The following NRXN1 variants were observed in gnomAD, a reference collection of about 807,000 sequenced individuals.
NRXN1 encodes neurexin 1, also known as neurexin-1.
A neutral mutation model predicts 150.9 loss-of-function variants in NRXN1; 39 were observed. That is an observed-to-expected ratio of 0.26 (90% CI 0.20 to 0.34). NRXN1 has a LOEUF of 0.34. Among genes scored for constraint, NRXN1 ranks in the 10% least tolerant of loss-of-function variants. NRXN1 has a pLI of 1.00. For synonymous variants in NRXN1, 924 were observed against 757.0 expected (o/e 1.22, Z -3.62); for missense variants, 1,815 against 1,949.9 (o/e 0.93, Z 1.30).
intron 17 of NRXN1, among the ~76,000 whole-genome samples, chr2:50,358,285 C>A (rs182880007): frequency 9.7e-4 from 148 of 152,318 alleles, no homozygotes; most frequent in Non-Finnish European, 1.4e-3. Flanking sequence ...TGGTCTTGCT[C>A]AGCGAATCCC....
intron 5 of NRXN1, among the ~76,000 whole-genome samples, chr2:50,833,356 G>C (rs1398563412): frequency 2.0e-5 from 3 of 152,112 alleles, no homozygotes; most frequent in Non-Finnish European, 2.9e-5. Flanking sequence ...ATGAAAGCAT[G>C]TATCCAGAGA....
chr2:50,232,360 C>T (rs927219187), intron 18 of NRXN1, among the ~76,000 whole-genome samples: 2 of 148,794 alleles, frequency 1.3e-5, no homozygotes, highest in South Asian at 4.3e-4. Context: ...AGTCACATTA[C>T]TGTATTATTT....
chr2:50,662,391 A>G (rs146329667), intron 5 of NRXN1, among the ~76,000 whole-genome samples: 1 of 152,108 alleles, frequency 6.6e-6, no homozygotes, highest in Non-Finnish European at 1.5e-5. Context: ...TGAATGGTTA[A>G]CATTTCAAGA....
intron 17 of NRXN1, among the ~76,000 whole-genome samples, chr2:50,410,457 T>C (rs1377927619): frequency 2.0e-5 from 3 of 152,230 alleles, no homozygotes; most frequent in Non-Finnish European, 2.9e-5. Flanking sequence ...GTGCAATGCA[T>C]GTTCTCATAT....
At chr2:50,206,653 G>A (rs1204071996) in intron 18 of NRXN1, among the ~76,000 whole-genome samples, 1 of 151,924 alleles carries the variant, frequency 6.6e-6, no homozygotes, top group African/African-American at 2.4e-5. Context: ...CCCTCAGGTT[G>A]ACAATCTGAA....
chr2:50,089,289 T>C (rs1470431543), intron 19 of NRXN1, among the ~76,000 whole-genome samples: 3 of 152,206 alleles, frequency 2.0e-5, no homozygotes, highest in African/African-American at 7.2e-5. Context: ...TAACAGGATT[T>C]ATCATTTTGC....
intron 5 of NRXN1, chr2:50,739,374 T>G (rs930261714): frequency 2.8e-6 from 1 of 357,694 alleles, no homozygotes. Flanking sequence ...CTATTTCTTT[T>G]AAATACTTCT....
chr2:49,934,007 A>C (rs1482647506), intron 22 of NRXN1, among the ~76,000 whole-genome samples: 1 of 152,174 alleles, frequency 6.6e-6, no homozygotes, highest in East Asian at 1.9e-4. Flanking sequence ...GTGGTGCTGC[A>C]TGTGGAGCTT....
chr2:50,639,963 C>A (rs995548487), intron 5 of NRXN1, among the ~76,000 whole-genome samples: 1 of 152,114 alleles, frequency 6.6e-6, no homozygotes, highest in African/African-American at 2.4e-5. Flanking sequence ...GACTCTATAT[C>A]ATTTTGTAAT....
In NRXN1 at chr2:50,091,255, A is replaced by C. The variant is rs2152696985; in HGVS notation, c.3718+68T>G. 2.5e-6 allele frequency: 4 copies of C among 1,572,760 alleles called. No homozygotes were observed. In the East Asian group the frequency reaches 6.7e-5, roughly 26 times the overall value. On this transcript the variant is annotated intron_variant, in intron 19 of 22. Coordinates refer to ENST00000401669, the MANE Select transcript of NRXN1 (RefSeq NM_001330078.2). ...AACCACAATTTGGTGAAACGGATGC[A>C]AAACAGTGCTTTTTCTTCCAGTTTG...
At chr2:51,002,871 A>C (rs1379150115) in intron 2 of NRXN1, among the ~76,000 whole-genome samples, 1 of 151,874 alleles carries the variant, frequency 6.6e-6, no homozygotes, top group African/African-American at 2.4e-5. Flanking sequence ...TGCAGTAGAT[A>C]CTCTTTAAGA....
At chr2:51,002,034 C>T (rs1250566306) in intron 2 of NRXN1, among the ~76,000 whole-genome samples, 1 of 151,952 alleles carries the variant, frequency 6.6e-6, no homozygotes, top group African/African-American at 2.4e-5. Flanking sequence ...TTAAATCATA[C>T]CAAATTTGTC....
chr2:50,757,552 A>G (rs1701292680), intron 5 of NRXN1, among the ~76,000 whole-genome samples: 2 of 151,864 alleles, frequency 1.3e-5, no homozygotes, highest in South Asian at 4.1e-4. Context: ...ATTAAAAGTA[A>G]GTACAGAATA....
intron 18 of NRXN1, among the ~76,000 whole-genome samples, chr2:50,210,390 AAAG>A (rs1321958763): frequency 6.6e-6 from 1 of 151,908 alleles, no homozygotes; most frequent in African/African-American, 2.4e-5. Flanking sequence ...CATTATTCTA[AAAG>A]TTAAATCTCA....
intron 17 of NRXN1, among the ~76,000 whole-genome samples, chr2:50,455,496 C>T (rs746607327): frequency 8.5e-5 from 13 of 152,118 alleles, no homozygotes; most frequent in Non-Finnish European, 1.3e-4. Context: ...ACTGAAAATG[C>T]TTCCAGGTTT....
intron 18 of NRXN1, among the ~76,000 whole-genome samples, chr2:50,107,639 T>C (rs1228983564): frequency 2.0e-5 from 3 of 150,744 alleles, no homozygotes; most frequent in East Asian, 1.9e-4. Flanking sequence ...TATTCACACA[T>C]TGTTACAGAG....
intron 15 of NRXN1, among the ~76,000 whole-genome samples, chr2:50,490,503 C>A (rs559597495): frequency 6.6e-6 from 1 of 152,270 alleles, no homozygotes; most frequent in East Asian, 1.9e-4. Context: ...ATAGCCTAGA[C>A]CCAGGTCCAC....
chr2:49,954,319 T>G (rs538838897), intron 21 of NRXN1, among the ~76,000 whole-genome samples: 6 of 145,504 alleles, frequency 4.1e-5, no homozygotes, highest in African/African-American at 1.5e-4. Flanking sequence ...ACAAGGTAGG[T>G]AGCACCAATC....
intron 5 of NRXN1, among the ~76,000 whole-genome samples, chr2:50,776,135 G>C (rs1703608137): frequency 6.6e-6 from 1 of 152,042 alleles, no homozygotes; most frequent in African/African-American, 2.4e-5. Flanking sequence ...GCTTGTGTTG[G>C]ATCATTAGGC....
Sources: gnomAD v4.1 joint callset for allele counts (sites outside exome capture counted in the v4.1 genomes callset) on GRCh38, gnomAD v4.1.1 for gene constraint, MANE v1.5 for transcripts, NCBI Gene and HGNC (gene_info 2026-07-23, HGNC 2026-07-21) for gene names.